The following ZDHHC15 variants were observed in gnomAD, a reference collection of about 807,000 sequenced individuals.
ZDHHC15 encodes the protein zDHHC palmitoyltransferase 15.
Under a neutral mutation model 31.7 loss-of-function variants are expected in ZDHHC15, and 19 were observed. The observed-to-expected ratio is 0.60, with a 90% CI of 0.42 to 0.88. ZDHHC15 has a LOEUF of 0.88. Among genes scored for constraint, ZDHHC15 ranks in the 40% least tolerant of loss-of-function variants. The pLI is 0.00. For synonymous variants in ZDHHC15, 103 were observed against 90.0 expected, an observed-to-expected ratio of 1.14 and a Z score of -0.82; for missense variants, 209 against 251.2, an observed-to-expected ratio of 0.83 and a Z score of 1.14.
chrX:75,513,876 A>G (rs1466269569), intron 1 of ZDHHC15, among the ~76,000 whole-genome samples: 1 of 98,763 alleles, frequency 1.0e-5, no homozygotes, highest in African/African-American at 3.5e-5. Flanking sequence ...CTTTTTACAT[A>G]ACAAAAAAAA....
At chrX:75,374,658 A>AGTGTGTGT (rs760934695) in intron 11 of ZDHHC15, among the ~76,000 whole-genome samples, 119 of 100,020 alleles carry the variant, frequency 1.2e-3, no homozygotes, top group African/African-American at 4.2e-3. Flanking sequence ...AGTAAATTTT[A>AGTGTGTGT]GTGTGTGTGT....
intron 4 of ZDHHC15, among the ~76,000 whole-genome samples, chrX:75,437,148 TG>T (rs1317073388): frequency 9.0e-6 from 1 of 111,593 alleles, no homozygotes; most frequent in Non-Finnish European, 1.9e-5. Context: ...CCCAAAGTGC[TG>T]GGATTACAGG....
chrX:75,424,532 G>T (rs1022626335), intron 8 of ZDHHC15, 120 bp downstream of exon 8: 1 of 730,673 alleles, frequency 1.4e-6, no homozygotes, highest in Non-Finnish European at 1.9e-6. Context: ...TCTCAGTCTG[G>T]GGGTAGAGGG....
intron 10 of ZDHHC15, among the ~76,000 whole-genome samples, chrX:75,395,657 C>T (rs2083292032): frequency 9.0e-6 from 1 of 111,691 alleles, no homozygotes; most frequent in East Asian, 2.8e-4. Flanking sequence ...TCTTAATATA[C>T]CCATGACATC....
At chrX:75,510,533 C>CTT (rs376283663) in intron 1 of ZDHHC15, among the ~76,000 whole-genome samples, 3 of 69,322 alleles carry the variant, frequency 4.3e-5, no homozygotes, top group African/African-American at 1.7e-4. Flanking sequence ...CGGAAAATTT[C>CTT]TTTTTTTTTT....
intron 2 of ZDHHC15, among the ~76,000 whole-genome samples, chrX:75,483,053 A>G (rs981939084): frequency 1.3e-4 from 13 of 98,398 alleles, no homozygotes; most frequent in African/African-American, 4.9e-4. Flanking sequence ...ATACATATAT[A>G]CACATATGTG....
At chrX:75,515,368 C>G (rs2085340202) in intron 1 of ZDHHC15, among the ~76,000 whole-genome samples, 2 of 111,242 alleles carry the variant, frequency 1.8e-5, no homozygotes, top group Non-Finnish European at 3.8e-5. Flanking sequence ...AGAAGCACAT[C>G]AAAAAGCTTA....
intron 1 of ZDHHC15, 91 bp downstream of exon 1, chrX:75,522,798 C>CT (rs2085461143): frequency 8.9e-7 from 1 of 1,119,627 alleles, no homozygotes; most frequent in Admixed American, 2.4e-5. Flanking sequence ...AGAGAGAAGG[C>CT]TTGAGAACAC....
intron 1 of ZDHHC15, among the ~76,000 whole-genome samples, chrX:75,521,379 A>G (rs753487673): frequency 9.0e-6 from 1 of 111,133 alleles, no homozygotes; most frequent in South Asian, 3.8e-4. Context: ...CAGGGACCCT[A>G]TTGTAACAAG....
chrX:75,408,980 T>C (rs2083451276), intron 10 of ZDHHC15, among the ~76,000 whole-genome samples: 2 of 112,391 alleles, frequency 1.8e-5, no homozygotes, highest in South Asian at 3.6e-4. Flanking sequence ...TTCATGTGCA[T>C]GGATTGGAAG....
At chrX:75,487,885 T>C (rs1433566006) in intron 2 of ZDHHC15, among the ~76,000 whole-genome samples, 1 of 111,694 alleles carries the variant, frequency 9.0e-6, no homozygotes, top group East Asian at 2.8e-4. Flanking sequence ...CAAAATACAC[T>C]GGAAAGTTTC....
intron 3 of ZDHHC15, among the ~76,000 whole-genome samples, chrX:75,454,162 C>A (rs1393921672): frequency 1.8e-5 from 2 of 111,902 alleles, no homozygotes; most frequent in Non-Finnish European, 3.8e-5. Context: ...CCCAAAATCT[C>A]CTTAAGCTGA....
intron 2 of ZDHHC15, 42 bp downstream of exon 2, chrX:75,505,779 A>T: frequency 6.7e-6 from 8 of 1,199,598 alleles, no homozygotes; most frequent in Non-Finnish European, 9.0e-6. Flanking sequence ...GATGAAAAAA[A>T]GGACACGGTC....
At chrX:75,387,464 T>TA (rs932683804) in intron 10 of ZDHHC15, among the ~76,000 whole-genome samples, 2 of 111,280 alleles carry the variant, frequency 1.8e-5, no homozygotes, top group Admixed American at 9.6e-5. Flanking sequence ...AAATAGTTAA[T>TA]AAAAAATTTA....
chrX:75,444,304 T>C (rs1377270943), intron 4 of ZDHHC15, among the ~76,000 whole-genome samples: 1 of 108,982 alleles, frequency 9.2e-6, no homozygotes, highest in African/African-American at 3.4e-5. Flanking sequence ...AAGGATGAGT[T>C]CATGTCCTTT....
chrX:75,507,588 A>C (rs1602752795), intron 1 of ZDHHC15, among the ~76,000 whole-genome samples: 1 of 111,809 alleles, frequency 8.9e-6, no homozygotes, highest in South Asian at 3.7e-4. Flanking sequence ...GTTATCACTA[A>C]TCTCATGGGT....
chrX:75,423,477 T>A (rs1013501431), intron 8 of ZDHHC15, among the ~76,000 whole-genome samples: 2 of 105,877 alleles, frequency 1.9e-5, no homozygotes, highest in African/African-American at 3.5e-5. Context: ...TTAGTTCACT[T>A]AGGATAATGG....
At chrX:75,435,083 T>C (rs2083832086) in intron 4 of ZDHHC15, among the ~76,000 whole-genome samples, 1 of 111,619 alleles carries the variant, frequency 9.0e-6, no homozygotes, top group African/African-American at 3.3e-5. Flanking sequence ...TAAGTTTTGT[T>C]TGTTTGTTTG....
At chrX:75,384,617 T>C in intron 10 of ZDHHC15, 2 of 830,124 alleles carry the variant, frequency 2.4e-6, no homozygotes, top group Middle Eastern at 3.6e-4. Context: ...AGAATTAATG[T>C]GCGTATTGAG....
Sources: allele counts gnomAD v4.1 joint callset (sites outside exome capture counted in the v4.1 genomes callset), GRCh38; gene constraint gnomAD v4.1.1; transcripts MANE v1.5; gene names NCBI Gene and HGNC (gene_info 2026-07-23, HGNC 2026-07-21).